The following PPP1R12B variants were observed in gnomAD, a reference collection of about 807,000 sequenced individuals.
The protein encoded by PPP1R12B is protein phosphatase 1 regulatory subunit 12B.
A neutral mutation model predicts 126.1 loss-of-function variants in PPP1R12B; 76 were observed. That is an observed-to-expected ratio of 0.60 (90% CI 0.50 to 0.73). The LOEUF is 0.73. Among genes scored for constraint, PPP1R12B ranks in the 30% least tolerant of loss-of-function variants. The pLI is 0.00. For missense variants in PPP1R12B, 1,052 were observed against 1,205.1 expected (o/e 0.87, Z 1.88); for synonymous variants, 356 against 434.7 (o/e 0.82, Z 2.25).
intron 13 of PPP1R12B, among the ~76,000 whole-genome samples, chr1:202,456,045 G>A (rs1467657706): frequency 6.6e-6 from 1 of 152,050 alleles, no homozygotes; most frequent in Non-Finnish European, 1.5e-5. Flanking sequence ...GAGGGGGTTG[G>A]ATCACTTGAT....
intron 18 of PPP1R12B, among the ~76,000 whole-genome samples, chr1:202,498,818 C>G (rs940093675): frequency 2.6e-5 from 4 of 152,180 alleles, no homozygotes; most frequent in Non-Finnish European, 5.9e-5. Context: ...GTGCTGTTAG[C>G]TAATCAGCAT....
intron 13 of PPP1R12B, among the ~76,000 whole-genome samples, chr1:202,460,640 T>A (rs992122201): frequency 2.6e-5 from 4 of 152,244 alleles, no homozygotes; most frequent in African/African-American, 9.6e-5. Flanking sequence ...AAGTTTTTTC[T>A]CTACTGATAG....
rs183196571 is a variant in PPP1R12B, at chr1:202,532,954, C to G, written c.2491-25923C>G. Reference sequence around the variant, plus strand: ...TTGCGATCTCGGCTCACCCCAACCTCTGCTTCCCAGGTTCAAATGATTCTC... The same window carrying G: ...TTGCGATCTCGGCTCACCCCAACCTGTGCTTCCCAGGTTCAAATGATTCTC... On this transcript the variant is annotated intron_variant, in intron 18 of 23. Transcript: ENST00000608999. 2.8e-5 allele frequency among the ~76,000 whole-genome samples: 4 copies of G among 145,072 alleles called. No homozygotes were observed. The East Asian group carries it at 8.7e-4, about 32-fold the overall frequency.
intron 13 of PPP1R12B, among the ~76,000 whole-genome samples, chr1:202,463,310 A>G (rs1276749574): frequency 6.6e-6 from 1 of 152,208 alleles, no homozygotes; most frequent in African/African-American, 2.4e-5. Flanking sequence ...CATCAGACCC[A>G]AAAGATTAGG....
chr1:202,518,782 T>A (rs1354406318), intron 18 of PPP1R12B, among the ~76,000 whole-genome samples: 4 of 152,236 alleles, frequency 2.6e-5, no homozygotes, highest in African/African-American at 9.7e-5. Flanking sequence ...TAGAAAAAGT[T>A]TGCATGAAAG....
At chr1:202,571,082 C>T (rs1688545389) in intron 23 of PPP1R12B, among the ~76,000 whole-genome samples, 1 of 152,298 alleles carries the variant, frequency 6.6e-6, no homozygotes, top group Non-Finnish European at 1.5e-5. Flanking sequence ...AAAGCAGGCC[C>T]ACACACAAAA....
chr1:202,374,251 T>C (rs1660773369), intron 1 of PPP1R12B, among the ~76,000 whole-genome samples: 1 of 152,172 alleles, frequency 6.6e-6, no homozygotes, highest in Non-Finnish European at 1.5e-5. Context: ...GGCACCTCCC[T>C]TTACCCAGTC....
chr1:202,494,582 T>TAAAA (rs35373351), intron 15 of PPP1R12B, among the ~76,000 whole-genome samples: 1 of 127,688 alleles, frequency 7.8e-6, no homozygotes, highest in African/African-American at 3.0e-5. Flanking sequence ...TTCTCAGGTT[T>TAAAA]AAAAAAAAAA....
At chr1:202,430,694 A>C in intron 6 of PPP1R12B, 37 bp from the exon 7 acceptor site, 1 of 1,607,072 alleles carries the variant, frequency 6.2e-7, no homozygotes, top group Non-Finnish European at 8.5e-7. Context: ...CCAATAGTCA[A>C]CTTCTTCCCT....
intron 1 of PPP1R12B, among the ~76,000 whole-genome samples, chr1:202,395,114 CAAAAAAAAAA>C (rs71142529): frequency 1.0e-4 from 10 of 97,958 alleles, no homozygotes; most frequent in African/African-American, 3.8e-4. Context: ...GAGACTCTCT[CAAAAAAAAAA>C]AAAAAAAAAA....
intron 13 of PPP1R12B, among the ~76,000 whole-genome samples, chr1:202,449,616 T>C (rs1672682976): frequency 6.6e-6 from 1 of 152,086 alleles, no homozygotes; most frequent in African/African-American, 2.4e-5. Flanking sequence ...ATTTTGTCTC[T>C]GAGCAGTCAG....
In PPP1R12B at chr1:202,581,904, G is replaced by A. The variant is rs1420517854; in HGVS notation, c.*1344G>A. 1 of 152,190 alleles carries A rather than the reference G, an allele frequency of 6.6e-6. No individual in the cohort carries two copies. The highest frequency in any genetic ancestry group is 1.5e-5 in the Non-Finnish European group (1 of 68,030). 9.4% of individuals were successfully genotyped at this position (152,190 alleles called of 1,614,324 possible). ...TTGATGAGAGTCATGGAAGTTTAGAGTGGCAAGACCCAGAGGTCATTAGGT... is the reference window on the plus strand; with the variant it reads ...TTGATGAGAGTCATGGAAGTTTAGAATGGCAAGACCCAGAGGTCATTAGGT... On this transcript the variant is annotated 3_prime_UTR_variant, in exon 24 of 24. Transcript: ENST00000608999.
At chr1:202,446,256 ATTTT>A (rs71142531) in intron 12 of PPP1R12B, among the ~76,000 whole-genome samples, 1 of 54,342 alleles carries the variant, frequency 1.8e-5, no homozygotes, top group South Asian at 1.0e-3. Flanking sequence ...ATATATATAT[ATTTT>A]TTTTTTTTTT....
Position 202,422,660 on chromosome 1 carries a change from A to G in PPP1R12B, c.463A>G (p.Ser155Gly). The G allele has an allele frequency of 6.2e-7, 1 of 1,613,910 alleles. No homozygotes were observed. Among genetic ancestry groups the G allele is most frequent in the Non-Finnish European group, 8.5e-7 (1 of 1,179,788 alleles). ...CGGAGCCAGTGTAGGTATTGTCAAT[A>G]GTGAAGGTGAAGTTCCCTCTGACCT... ...NHGASVGIVN[S>G]EGEVPSDLAE... Residue 155 changes from serine (S) to glycine (G), a missense_variant, in exon 3 of 24, where the codon AGT (serine) becomes GGT (glycine). Ser to Gly is a moderately conservative substitution (Grantham distance 56, BLOSUM62 0). Coordinates refer to ENST00000608999, the MANE Select transcript of PPP1R12B (RefSeq NM_002481.4).
At position 202,348,794 on chromosome 1, in the gene PPP1R12B, G is replaced by C. The variant is rs1655378170; in HGVS notation, c.-58G>C. 1 of 1,535,542 alleles carries C rather than the reference G, an allele frequency of 6.5e-7. No individual in the cohort carries two copies. The highest frequency in any genetic ancestry group is 1.3e-5 in the South Asian group (1 of 78,180). On this transcript the variant is annotated 5_prime_UTR_variant, in exon 1 of 24. Transcript: ENST00000608999. ...CTGAGAGAGGCGGCAGCGGCAACTC[G>C]AGCCCCAACAGTAATTTAGTGTTGG... is the stretch of plus-strand genomic sequence containing the variant.
At chr1:202,576,948 A>T (rs1287497907) in intron 23 of PPP1R12B, 2 of 152,236 alleles carry the variant, frequency 1.3e-5, no homozygotes, top group African/African-American at 2.4e-5. Flanking sequence ...CACCACTGTA[A>T]TATAAGCTGT....
intron 1 of PPP1R12B, among the ~76,000 whole-genome samples, chr1:202,351,577 CA>C (rs1656018120): frequency 6.6e-6 from 1 of 152,182 alleles, no homozygotes; most frequent in Non-Finnish European, 1.5e-5. Flanking sequence ...AGACTATTTT[CA>C]AATGGGAGAC....
At position 202,349,639 on chromosome 1, in the gene PPP1R12B, T is replaced by G. The variant is rs554207670; in HGVS notation, c.291+497T>G. Among the ~76,000 whole-genome samples the G allele has an allele frequency of 7.8e-4, 118 of 152,248 alleles. 1 individual carries two copies. The highest frequency in any genetic ancestry group is 2.7e-3 in the African/African-American group (113 of 41,538). On this transcript the variant is annotated intron_variant, in intron 1 of 23. Coordinates refer to ENST00000608999, the MANE Select transcript of PPP1R12B (RefSeq NM_002481.4). ...AAACCACACCTCTTGTTTTGTTGAT[T>G]TGTAGTACTTCAAAACAGTTTGTGT...
At chr1:202,442,374 C>G in intron 11 of PPP1R12B, 73 bp from the exon 12 acceptor site, 1 of 1,512,810 alleles carries the variant, frequency 6.6e-7, no homozygotes, top group Non-Finnish European at 8.9e-7. Flanking sequence ...TGGCTCTTCT[C>G]TCTCTGCATT....
Sources: gnomAD v4.1 joint callset for allele counts (sites outside exome capture counted in the v4.1 genomes callset) on GRCh38, gnomAD v4.1.1 for gene constraint, MANE v1.5 for transcripts, NCBI Gene and HGNC (gene_info 2026-07-23, HGNC 2026-07-21) for gene names.